ZNF804B: variants seen among roughly 807,000 people sequenced by gnomAD.
The protein encoded by ZNF804B is zinc finger protein 804B.
A neutral mutation model predicts 101.4 loss-of-function variants in ZNF804B; 80 were observed. That is an observed-to-expected ratio of 0.79 (90% CI 0.66 to 0.95). The LOEUF (loss-of-function observed/expected upper bound fraction) is 0.95. ZNF804B is among the 40% of genes least tolerant of loss of function. The pLI, the probability that ZNF804B is intolerant of heterozygous loss-of-function variation, is 0.00. For synonymous variants in ZNF804B, 622 were observed against 558.8 expected (o/e 1.11, Z -1.59); for missense variants, 1,673 against 1,561.9 (o/e 1.07, Z -1.20).
rs569264811 is a variant in ZNF804B, at chr7:89,334,075, G to T, written c.1093G>T (p.Ala365Ser). 2 of 1,613,600 alleles carry T rather than the reference G, an allele frequency of 1.2e-6. No individual in the cohort carries two copies. Among genetic ancestry groups the T allele is most frequent in the African/African-American group, 1.3e-5 (1 of 74,996 alleles). ...TGTTAATCACCCATGCCAAGCAAAT[G>T]CTTCCTTCAGCCCACCAAACATTTA... ...NCVNHPCQAN[A>S]SFSPPNIYNH... is the part of the protein sequence containing the mutation. The change falls in exon 4 of 4, where the codon GCT becomes TCT. Residue 365 changes from alanine to serine, a missense_variant. Coordinates refer to ENST00000333190, the MANE Select transcript of ZNF804B (RefSeq NM_181646.5).
At chr7:89,323,412 A>G (rs1790849805) in intron 2 of ZNF804B, among the ~76,000 whole-genome samples, 1 of 152,224 alleles carries the variant, frequency 6.6e-6, no homozygotes, top group Admixed American at 6.5e-5. Context: ...CAATATTTCA[A>G]AATGTTAATA....
At chr7:89,101,601 C>T (rs868555196) in intron 1 of ZNF804B, among the ~76,000 whole-genome samples, 2 of 151,766 alleles carry the variant, frequency 1.3e-5, no homozygotes, top group African/African-American at 2.4e-5. Context: ...AGTTTTATTA[C>T]GTAAAATCAG....
chr7:89,136,330 G>A (rs2040678), intron 1 of ZNF804B, among the ~76,000 whole-genome samples: 63,215 of 151,704 alleles, frequency 0.42, 14,061 homozygotes, highest in East Asian at 0.59. Context: ...TATTTTTTTG[G>A]GGGGGTCTCA....
chr7:88,953,390 C>A (rs954318321), intron 1 of ZNF804B, among the ~76,000 whole-genome samples: 1 of 151,700 alleles, frequency 6.6e-6, no homozygotes, highest in African/African-American at 2.4e-5. Flanking sequence ...TCTAAATAAC[C>A]CTCCAGTTAA....
chr7:89,058,358 C>G (rs560554170), intron 1 of ZNF804B, among the ~76,000 whole-genome samples: 6 of 152,024 alleles, frequency 3.9e-5, no homozygotes, highest in Non-Finnish European at 7.4e-5. Context: ...AAATTTAGCA[C>G]AAGCTTGAGA....
intron 1 of ZNF804B, among the ~76,000 whole-genome samples, chr7:89,013,022 A>G (rs1167073341): frequency 6.6e-6 from 1 of 152,172 alleles, no homozygotes; most frequent in Non-Finnish European, 1.5e-5. Flanking sequence ...GGGAAATGCC[A>G]GACACTTATA....
At chr7:89,132,163 CACACAT>C (rs10559494) in intron 1 of ZNF804B, among the ~76,000 whole-genome samples, 10,045 of 67,830 alleles carry the variant, frequency 0.15, 371 homozygotes, top group African/African-American at 0.33. Flanking sequence ...AGAACACACG[CACACAT>C]ACACACACAC....
intron 1 of ZNF804B, among the ~76,000 whole-genome samples, chr7:88,769,314 T>C (rs1790029843): frequency 6.6e-6 from 1 of 152,230 alleles, no homozygotes; most frequent in Non-Finnish European, 1.5e-5. Context: ...CAGACTATTC[T>C]ACTGATGGAT....
At chr7:88,784,081 G>T (rs1790266238) in intron 1 of ZNF804B, among the ~76,000 whole-genome samples, 1 of 152,086 alleles carries the variant, frequency 6.6e-6, no homozygotes. Context: ...ATTATAATTT[G>T]TGACTTGCTA....
chr7:89,140,509 A>C (rs1249765225), intron 1 of ZNF804B, among the ~76,000 whole-genome samples: 1 of 152,048 alleles, frequency 6.6e-6, no homozygotes, highest in Non-Finnish European at 1.5e-5. Flanking sequence ...TAGTCTATCA[A>C]TGATCTTAAC....
intron 2 of ZNF804B, among the ~76,000 whole-genome samples, chr7:89,224,634 T>C (rs1014082346): frequency 1.5e-4 from 23 of 151,828 alleles, no homozygotes; most frequent in Non-Finnish European, 1.2e-4. Context: ...GTGCCTGGAA[T>C]GAATACCTTC....
chr7:89,141,794 T>C (rs1790721847), intron 1 of ZNF804B, among the ~76,000 whole-genome samples: 2 of 151,820 alleles, frequency 1.3e-5, no homozygotes, highest in South Asian at 2.1e-4. Context: ...TTTGTAAGTA[T>C]ATTTTTTTTC....
At chr7:88,894,884 GTAGT>G (rs1489843049) in intron 1 of ZNF804B, among the ~76,000 whole-genome samples, 1 of 152,020 alleles carries the variant, frequency 6.6e-6, no homozygotes, top group Non-Finnish European at 1.5e-5. Flanking sequence ...ATTTTTTAGG[GTAGT>G]TAAACTATCC....
intron 1 of ZNF804B, among the ~76,000 whole-genome samples, chr7:88,806,681 T>G (rs1172660845): frequency 6.6e-6 from 1 of 151,978 alleles, no homozygotes; most frequent in African/African-American, 2.4e-5. Context: ...TCTTAAAACT[T>G]TTCAGTAATA....
At chr7:88,839,635 T>G (rs1167568129) in intron 1 of ZNF804B, among the ~76,000 whole-genome samples, 1 of 152,058 alleles carries the variant, frequency 6.6e-6, no homozygotes. Context: ...ATCCTGTGAT[T>G]CTGCAACAGT....
rs1296288534 is a variant in ZNF804B, at chr7:89,336,192, A to G, written c.3210A>G (p.Pro1070=). 4 of 1,613,816 alleles carry G rather than the reference A, an allele frequency of 2.5e-6. No individual in the cohort carries two copies. In the African/African-American group the frequency reaches 5.3e-5, roughly 22 times the overall value. The change falls in exon 4 of 4, where the codon CCA becomes CCG. Residue 1070 remains proline (P), a synonymous_variant. Transcript: ENST00000333190. ...TTATTCAAAGCTGTGACCCAGTACC[A>G]AATGAATTCCCTGGTGCTTTTCCGT... ...QPFIQSCDPV[P]NEFPGAFPSN...
At chr7:89,158,933 T>C (rs1326033179) in intron 1 of ZNF804B, among the ~76,000 whole-genome samples, 2 of 152,142 alleles carry the variant, frequency 1.3e-5, no homozygotes, top group Non-Finnish European at 2.9e-5. Flanking sequence ...AGAAAATATT[T>C]TTCATATCAT....
chr7:88,821,460 C>G (rs1322399168), intron 1 of ZNF804B, among the ~76,000 whole-genome samples: 1 of 152,042 alleles, frequency 6.6e-6, no homozygotes, highest in Non-Finnish European at 1.5e-5. Flanking sequence ...TACGGATATA[C>G]TTTAAATTTT....
intron 1 of ZNF804B, among the ~76,000 whole-genome samples, chr7:88,873,127 A>G (rs1449264643): frequency 6.6e-6 from 1 of 151,998 alleles, no homozygotes; most frequent in African/African-American, 2.4e-5. Context: ...CCTCTCCAGC[A>G]CCTGTTGTTT....
Sources: allele counts gnomAD v4.1 joint callset (sites outside exome capture counted in the v4.1 genomes callset), GRCh38; gene constraint gnomAD v4.1.1; transcripts MANE v1.5; gene names NCBI Gene and HGNC (gene_info 2026-07-23, HGNC 2026-07-21).